COL15A1: variants seen among roughly 807,000 people sequenced by gnomAD.
COL15A1 encodes the protein collagen type XV alpha 1 chain, also known as collagen alpha-1(XV) chain.
In COL15A1, 111 loss-of-function variants were observed where a neutral mutation model predicts 165.9. The ratio of observed to expected loss-of-function variants is 0.67; its 90% CI spans 0.57 to 0.78. The LOEUF (loss-of-function observed/expected upper bound fraction) is 0.78. Ranked by LOEUF, COL15A1 falls within the 30% of genes least tolerant of loss-of-function variation. COL15A1 has a pLI of 0.00. For missense variants in COL15A1, 1,745 were observed against 1,789.7 expected (o/e 0.98, Z 0.45); for synonymous variants, 659 against 674.8 (o/e 0.98, Z 0.36).
At position 99,068,676 on chromosome 9, in the gene COL15A1, T is replaced by G; in HGVS notation, c.3953+6T>G. 6.6e-7 allele frequency: 1 copy of G among 1,504,250 alleles called. No individual in the cohort carries two copies. The highest frequency in any genetic ancestry group is 9.0e-7 in the Non-Finnish European group (1 of 1,110,316). 93.2% of individuals were successfully genotyped at this position (1,504,250 alleles called of 1,614,324 possible). A position where few individuals can be genotyped will look rare whatever the true frequency, so the allele number is the denominator to read the frequency against. On this transcript the variant is annotated splice_donor_region_variant and intron_variant, in intron 41 of 41. Transcript: ENST00000375001. ...ATAATGACAGATCCTTCTTGGTAAG[T>G]GAGGGTGGAAGTTCTCAGATATGGT...
intron 23 of COL15A1, 143 bp downstream of exon 23, chr9:99,040,699 G>A: frequency 6.8e-7 from 1 of 1,469,542 alleles, no homozygotes; most frequent in Non-Finnish European, 9.3e-7. Flanking sequence ...TGATATTTTT[G>A]ATAGATATGG....
chr9:98,973,242 G>A (rs1276923690), intron 2 of COL15A1, among the ~76,000 whole-genome samples: 1 of 152,020 alleles, frequency 6.6e-6, no homozygotes, highest in Non-Finnish European at 1.5e-5. Flanking sequence ...GAGCAAGAGA[G>A]AAAGAGAGAG....
At chr9:99,066,490 G>A (rs16918198) in intron 39 of COL15A1, among the ~76,000 whole-genome samples, 42,312 of 151,828 alleles carry the variant, frequency 0.28, 6,474 homozygotes, top group East Asian at 0.6. Flanking sequence ...GCCAAAGCCA[G>A]CTTAAAACCC....
intron 2 of COL15A1, among the ~76,000 whole-genome samples, chr9:98,972,066 A>C (rs915481233): frequency 6.6e-6 from 1 of 152,178 alleles, no homozygotes; most frequent in Non-Finnish European, 1.5e-5. Context: ...ACTACACACC[A>C]GGCCCTGTGC....
At chr9:99,056,030 C>G (rs1825715268) in intron 34 of COL15A1, among the ~76,000 whole-genome samples, 1 of 152,200 alleles carries the variant, frequency 6.6e-6, no homozygotes, top group Non-Finnish European at 1.5e-5. Context: ...TCTCCAAGGT[C>G]CCTTCTGCCT....
In COL15A1 at chr9:99,070,573, C is replaced by A; in HGVS notation, c.*687C>A. 2.4e-6 allele frequency: 1 copy of A among 419,498 alleles called. No individual in the cohort carries two copies. Among genetic ancestry groups the A allele is most frequent in the Non-Finnish European group, 4.7e-6 (1 of 212,392 alleles). The allele number at this position is 419,498 out of a possible 1,614,324, so 26.0% of individuals were successfully genotyped here. On this transcript the variant is annotated 3_prime_UTR_variant, in exon 42 of 42. Coordinates refer to ENST00000375001, the MANE Select transcript of COL15A1 (RefSeq NM_001855.5). Reference sequence around the variant, plus strand: ...ATCTGAAACTAGAAAAGAAATAGCACATAATTACTACCTTCCCCTTGGCGG... The same window carrying A: ...ATCTGAAACTAGAAAAGAAATAGCAAATAATTACTACCTTCCCCTTGGCGG...
At chr9:98,986,236 T>TTTCCCATCATAACAC in intron 3 of COL15A1, 124 bp downstream of exon 3, 4 of 798,942 alleles carry the variant, frequency 5.0e-6, no homozygotes, top group Non-Finnish European at 7.8e-6. Flanking sequence ...ATGCGTGTTA[T>TTTCCCATCATAACAC]GATGGGAAAT....
chr9:99,028,586 G>A (rs1265223091), intron 16 of COL15A1, among the ~76,000 whole-genome samples: 2 of 152,108 alleles, frequency 1.3e-5, no homozygotes, highest in Non-Finnish European at 2.9e-5. Flanking sequence ...GGAGCCAGAG[G>A]TTGCAGTGAA....
chr9:99,038,421 C>A (rs528444307), intron 21 of COL15A1, among the ~76,000 whole-genome samples: 1 of 152,230 alleles, frequency 6.6e-6, no homozygotes, highest in African/African-American at 2.4e-5. Flanking sequence ...TGTTTAAACT[C>A]TAAAAAGAGA....
intron 9 of COL15A1, among the ~76,000 whole-genome samples, chr9:99,010,488 T>C (rs1422044520): frequency 6.6e-6 from 1 of 151,440 alleles, no homozygotes; most frequent in Non-Finnish European, 1.5e-5. Context: ...AGAAGGGGAG[T>C]GGAAGAAGGG....
At chr9:99,039,436 G>T (rs10988640) in intron 22 of COL15A1, among the ~76,000 whole-genome samples, 13,427 of 152,272 alleles carry the variant, frequency 0.088, 801 homozygotes, top group East Asian at 0.21. Flanking sequence ...TTGAACCTGG[G>T]AGGCGGAGGT....
intron 39 of COL15A1, among the ~76,000 whole-genome samples, chr9:99,066,569 C>A (rs7865580): frequency 0.012 from 1,049 of 91,052 alleles, 9 homozygotes; most frequent in African/African-American, 0.039. Flanking sequence ...CCCTGAAGTT[C>A]TTTATTTGGT....
Position 99,044,852 on chromosome 9 carries a change from C to T in COL15A1, c.2679+82C>T, listed in dbSNP as rs1372052188. ...CTTTGATTTGGTTAGATTTAGTTGT[C>T]CCGGTTATGAAAATTCAAAGATGTG... On this transcript the variant is annotated intron_variant, in intron 26 of 41. Transcript: ENST00000375001. The T allele has an allele frequency of 5.3e-6, 7 of 1,321,600 alleles. No homozygotes were observed. The African/African-American group carries it at 1.0e-4, about 19-fold the overall frequency. 81.9% of individuals were successfully genotyped at this position (1,321,600 alleles called of 1,614,324 possible).
At chr9:99,064,940 G>A (rs570158895) in intron 39 of COL15A1, among the ~76,000 whole-genome samples, 1 of 152,100 alleles carries the variant, frequency 6.6e-6, no homozygotes, top group Non-Finnish European at 1.5e-5. Context: ...TGTCAACAAT[G>A]CATGAAAAGA....
chr9:99,036,133 T>C (rs758581338), intron 19 of COL15A1, 37 bp from the exon 20 acceptor site: 1 of 1,556,690 alleles, frequency 6.4e-7, no homozygotes, highest in Non-Finnish European at 8.9e-7. Flanking sequence ...GTGAGCAAAG[T>C]GACTAGAAGA....
intron 4 of COL15A1, 84 bp from the exon 5 acceptor site, chr9:98,989,094 A>T: frequency 1.0e-6 from 1 of 984,046 alleles, no homozygotes; most frequent in Non-Finnish European, 1.6e-6. Context: ...TCGGTTTGTC[A>T]GTTTCTGTAA....
At chr9:99,020,651 A>T (rs1401295649) in intron 12 of COL15A1, among the ~76,000 whole-genome samples, 4 of 152,188 alleles carry the variant, frequency 2.6e-5, no homozygotes, top group African/African-American at 7.2e-5. Context: ...CCACCTGGTG[A>T]CCGTGGCCAA....
In COL15A1 at chr9:99,025,979, C is replaced by A; in HGVS notation, c.2043+13C>A. The A allele has an allele frequency of 6.2e-7, 1 of 1,603,922 alleles. No individual in the cohort carries two copies. The highest frequency in any genetic ancestry group is 8.5e-7 in the Non-Finnish European group (1 of 1,175,266). ...GAAAGGGGAGAAGGTACGGGGAACACGGGAGGGTCCCACCACATGGGAGCC... is the reference window on the plus strand; with the variant it reads ...GAAAGGGGAGAAGGTACGGGGAACAAGGGAGGGTCCCACCACATGGGAGCC... On this transcript the variant is annotated intron_variant, in intron 16 of 41. Transcript: ENST00000375001.
At chr9:99,004,831 C>T in intron 8 of COL15A1, 67 bp from the exon 9 acceptor site, 2 of 1,594,046 alleles carry the variant, frequency 1.3e-6, no homozygotes, top group South Asian at 2.2e-5. Flanking sequence ...GCCTTCTGTT[C>T]CTTACCACAG....
Sources: allele counts gnomAD v4.1 joint callset (sites outside exome capture counted in the v4.1 genomes callset), GRCh38; gene constraint gnomAD v4.1.1; transcripts MANE v1.5; gene names NCBI Gene and HGNC (gene_info 2026-07-23, HGNC 2026-07-21).